EYA1: variants seen among roughly 807,000 people sequenced by gnomAD.
EYA1 encodes the protein EYA transcriptional coactivator and phosphatase 1.
A neutral mutation model predicts 82.0 loss-of-function variants in EYA1; 16 were observed. The ratio of observed to expected loss-of-function variants is 0.20; its 90% CI spans 0.13 to 0.30. The LOEUF (loss-of-function observed/expected upper bound fraction) is 0.30. Among genes scored for constraint, EYA1 ranks in the 10% least tolerant of loss-of-function variants. The pLI is 1.00. For missense variants in EYA1, 633 were observed against 730.7 expected (o/e 0.87, Z 1.54); for synonymous variants, 261 against 264.4 (o/e 0.99, Z 0.12).
intron 11 of EYA1, among the ~76,000 whole-genome samples, chr8:71,261,413 G>A (rs1410486599): frequency 6.6e-6 from 1 of 152,144 alleles, no homozygotes; most frequent in African/African-American, 2.4e-5. Context: ...ATTACCAAGA[G>A]AGACTGTATA....
At chr8:71,412,662 G>A (rs1830669915) in intron 2 of EYA1, among the ~76,000 whole-genome samples, 1 of 152,110 alleles carries the variant, frequency 6.6e-6, no homozygotes, top group Non-Finnish European at 1.5e-5. Context: ...GAAATTTAGT[G>A]TTACATTTTA....
In EYA1 at chr8:71,272,925, C is replaced by T. The variant is rs187526496; in HGVS notation, c.827-1028G>A. On this transcript the variant is annotated intron_variant, in intron 9 of 17. Transcript: ENST00000340726. ...TTGGTCTATTTCACTAAACAGAAAA[C>T]CACTGTTTGAAGAGAACAACTGAAG... Among the ~76,000 whole-genome samples, 332 of 152,268 alleles carry T rather than the reference C, an allele frequency of 2.2e-3. 1 individual carries two copies. Among genetic ancestry groups the T allele is most frequent in the Admixed American group, 4.7e-3 (72 of 15,302 alleles).
At chr8:71,469,542 T>C (rs988641290) in intron 2 of EYA1, among the ~76,000 whole-genome samples, 1 of 152,138 alleles carries the variant, frequency 6.6e-6, no homozygotes, top group African/African-American at 2.4e-5. Context: ...AAGATGACAC[T>C]GAACCAAAAC....
intron 2 of EYA1, among the ~76,000 whole-genome samples, chr8:71,434,754 A>C (rs1486617471): frequency 6.6e-6 from 1 of 152,174 alleles, no homozygotes; most frequent in African/African-American, 2.4e-5. Context: ...TTTTTATTGA[A>C]TCTGAATAAT....
At chr8:71,451,695 C>A (rs535771135) in intron 2 of EYA1, among the ~76,000 whole-genome samples, 70 of 152,130 alleles carry the variant, frequency 4.6e-4, no homozygotes, top group Non-Finnish European at 9.1e-4. Flanking sequence ...ATGAACATAT[C>A]TTCATTAATT....
intron 2 of EYA1, among the ~76,000 whole-genome samples, chr8:71,453,469 C>CA (rs758393650): frequency 6.6e-6 from 1 of 152,214 alleles, no homozygotes; most frequent in Non-Finnish European, 1.5e-5. Flanking sequence ...ACATAATTGT[C>CA]AGATTCATCA....
chr8:71,418,806 C>A (rs1830992765), intron 2 of EYA1, among the ~76,000 whole-genome samples: 2 of 151,936 alleles, frequency 1.3e-5, no homozygotes, highest in Non-Finnish European at 2.9e-5. Context: ...GGATGAAGGG[C>A]AACAATGGGA....
chr8:71,323,251 A>G (rs1236402979), intron 4 of EYA1, among the ~76,000 whole-genome samples: 2 of 152,170 alleles, frequency 1.3e-5, no homozygotes, highest in Admixed American at 1.3e-4. Flanking sequence ...TCTAATCTCT[A>G]TCGGGCTAAG....
intron 9 of EYA1, among the ~76,000 whole-genome samples, chr8:71,291,615 T>C (rs1819006188): frequency 6.6e-6 from 1 of 152,230 alleles, no homozygotes; most frequent in Non-Finnish European, 1.5e-5. Context: ...ATCTAAAATG[T>C]TTCGTTCACC....
intron 11 of EYA1, among the ~76,000 whole-genome samples, chr8:71,247,474 G>C (rs1813244889): frequency 6.6e-6 from 1 of 152,158 alleles, no homozygotes; most frequent in Non-Finnish European, 1.5e-5. Flanking sequence ...GAGTGTCTAA[G>C]AGTTCTGCTG....
intron 2 of EYA1, among the ~76,000 whole-genome samples, chr8:71,397,477 A>G (rs2129122148): frequency 6.6e-6 from 1 of 152,298 alleles, no homozygotes; most frequent in South Asian, 2.1e-4. Context: ...CTTGTAAGGC[A>G]GGCCTGGTGT....
chr8:71,210,384 A>T (rs1808353021), intron 17 of EYA1, among the ~76,000 whole-genome samples: 1 of 152,214 alleles, frequency 6.6e-6, no homozygotes, highest in African/African-American at 2.4e-5. Context: ...GGTCAAGGAA[A>T]GCTGAGTGGA....
intron 2 of EYA1, among the ~76,000 whole-genome samples, chr8:71,498,302 G>T (rs1334977660): frequency 6.6e-6 from 1 of 152,072 alleles, no homozygotes; most frequent in East Asian, 1.9e-4. Context: ...ACAGTATGTT[G>T]TACATGATAA....
chr8:71,296,554 A>G (rs1406791129), intron 9 of EYA1, among the ~76,000 whole-genome samples: 2 of 152,062 alleles, frequency 1.3e-5, no homozygotes, highest in African/African-American at 4.8e-5. Context: ...GTCATACATA[A>G]GATAAGAAAA....
At chr8:71,526,328 A>G (rs748291815) in intron 2 of EYA1, among the ~76,000 whole-genome samples, 1 of 151,870 alleles carries the variant, frequency 6.6e-6, no homozygotes, top group Non-Finnish European at 1.5e-5. Flanking sequence ...AATTATATTC[A>G]TGATCAAGCT....
intron 2 of EYA1, among the ~76,000 whole-genome samples, chr8:71,419,233 A>C (rs566710786): frequency 3.9e-5 from 6 of 152,332 alleles, no homozygotes; most frequent in African/African-American, 1.4e-4. Flanking sequence ...CAAGGGAACC[A>C]AATAAGGAAC....
At chr8:71,460,354 G>A (rs1808271245) in intron 2 of EYA1, among the ~76,000 whole-genome samples, 2 of 152,298 alleles carry the variant, frequency 1.3e-5, no homozygotes, top group South Asian at 4.1e-4. Context: ...GTTTCCAGAT[G>A]ATTCGAATGT....
intron 3 of EYA1, among the ~76,000 whole-genome samples, chr8:71,353,646 C>T (rs1229267172): frequency 6.6e-6 from 1 of 152,108 alleles, no homozygotes; most frequent in Non-Finnish European, 1.5e-5. Flanking sequence ...TATATCTTTC[C>T]TATTATTAAA....
chr8:71,460,178 T>C (rs1259049005), intron 2 of EYA1, among the ~76,000 whole-genome samples: 1 of 152,226 alleles, frequency 6.6e-6, no homozygotes, highest in East Asian at 1.9e-4. Context: ...GTAATTATAA[T>C]AATTTGTGAT....
Sources: gnomAD v4.1 joint callset for allele counts (sites outside exome capture counted in the v4.1 genomes callset) on GRCh38, gnomAD v4.1.1 for gene constraint, MANE v1.5 for transcripts, NCBI Gene and HGNC (gene_info 2026-07-23, HGNC 2026-07-21) for gene names.